CCDC187: variants seen among roughly 807,000 people sequenced by gnomAD.
CCDC187 encodes the protein coiled-coil domain-containing protein 187.
Under a neutral mutation model 38.0 loss-of-function variants are expected in CCDC187, and 32 were observed. The ratio of observed to expected loss-of-function variants is 0.84; its 90% CI spans 0.64 to 1.13. CCDC187 has a LOEUF of 1.13. CCDC187 is among the 50% of genes most tolerant of loss of function. The pLI, the probability that CCDC187 is intolerant of heterozygous loss-of-function variation, is 0.00. For synonymous variants in CCDC187, 333 were observed against 347.9 expected (o/e 0.96, Z 0.48); for missense variants, 707 against 786.8 (o/e 0.90, Z 1.21).
chr9:136,270,751 C>G (rs1830827385), intron 14 of CCDC187, among the ~76,000 whole-genome samples: 1 of 152,168 alleles, frequency 6.6e-6, no homozygotes, highest in African/African-American at 2.4e-5. Flanking sequence ...GGTGCCTTCC[C>G]AGACACTGGC....
intron 14 of CCDC187, among the ~76,000 whole-genome samples, chr9:136,269,091 T>A (rs559107629): frequency 1.3e-5 from 2 of 152,276 alleles, no homozygotes; most frequent in East Asian, 3.9e-4. Context: ...TGAATGCGTG[T>A]CAAGAAGCTA....
At chr9:136,295,636 C>G (rs1408849006) in intron 4 of CCDC187, among the ~76,000 whole-genome samples, 1 of 152,168 alleles carries the variant, frequency 6.6e-6, no homozygotes, top group African/African-American at 2.4e-5. Flanking sequence ...ATCCAATTCC[C>G]AAGTCCTGTG....
intron 15 of CCDC187, chr9:136,267,843 G>GC: frequency 6.1e-6 from 6 of 983,988 alleles, no homozygotes; most frequent in Middle Eastern, 5.2e-4. Context: ...TGAAATGCCT[G>GC]CCCCCCTCTG....
intron 19 of CCDC187, among the ~76,000 whole-genome samples, chr9:136,262,014 C>A (rs917735631): frequency 7.9e-5 from 12 of 152,268 alleles, no homozygotes; most frequent in African/African-American, 2.7e-4. Context: ...CTGGTCATCA[C>A]TCCCCCTCCC....
Position 136,262,312 on chromosome 9 carries a change from G to A in CCDC187, c.4063C>T (p.Arg1355Cys), listed in dbSNP as rs1380654427. 3.0e-6 allele frequency: 3 copies of A among 986,224 alleles called. No individual in the cohort carries two copies. The highest frequency in any genetic ancestry group is 1.1e-4 in the East Asian group (1 of 8,842). 61.1% of individuals were successfully genotyped at this position (986,224 alleles called of 1,614,324 possible). A position where few individuals can be genotyped will look rare whatever the true frequency, so the allele number is the denominator to read the frequency against. Residue 1355 changes from arginine (R) to cysteine (C), a missense_variant and splice_region_variant, in exon 19 of 26, where the codon CGC becomes TGC. Arg to Cys is a radical substitution (Grantham distance 180). Transcript: ENST00000638797. ...ACCCCCTAAGACCAACCAACTCACCGCGTGGCCTTTGAGCTTGCGGGGCTG... is the reference window on the plus strand; with the variant it reads ...ACCCCCTAAGACCAACCAACTCACCACGTGGCCTTTGAGCTTGCGGGGCTG... ...QSSPASSKAT[R>C]PPTEQQDVTP...
At chr9:136,295,289 G>A (rs1216342056) in intron 4 of CCDC187, among the ~76,000 whole-genome samples, 1 of 152,176 alleles carries the variant, frequency 6.6e-6, no homozygotes, top group African/African-American at 2.4e-5. Context: ...CCGCCTGCCC[G>A]CCCGGCCCCT....
In CCDC187 at chr9:136,251,063, T is replaced by G. The variant is rs1167460998; in HGVS notation, c.*2531A>C. ...TGCATGCATAAAGTCTGGAGTATGC[T>G]CCTCTCTGAAGTGGAGGAGGCCTGA... On this transcript the variant is annotated 3_prime_UTR_variant, in exon 26 of 26. Transcript: ENST00000638797. 2 of 455,550 alleles carry G rather than the reference T, an allele frequency of 4.4e-6. No homozygotes were observed. The highest frequency in any genetic ancestry group is 2.0e-5 in the African/African-American group (1 of 50,030). The allele number at this position is 455,550 out of a possible 1,614,324, so 28.2% of individuals were successfully genotyped here. A position where few individuals can be genotyped will look rare whatever the true frequency, so the allele number is the denominator to read the frequency against.
intron 14 of CCDC187, among the ~76,000 whole-genome samples, chr9:136,268,981 T>G (rs543709617): frequency 6.6e-6 from 1 of 152,008 alleles, no homozygotes; most frequent in East Asian, 1.9e-4. Flanking sequence ...CAGCTGGAGT[T>G]TGTGGGGGCA....
chr9:136,303,448 C>T (rs1277972829), intron 1 of CCDC187, among the ~76,000 whole-genome samples, 155 bp from the exon 2 acceptor site: 10 of 152,346 alleles, frequency 6.6e-5, no homozygotes, highest in East Asian at 3.9e-4. Flanking sequence ...AGGACAGCCC[C>T]GGCATTCTCT....
At chr9:136,283,118 G>A (rs1393430724) in intron 9 of CCDC187, among the ~76,000 whole-genome samples, 2 of 152,122 alleles carry the variant, frequency 1.3e-5, no homozygotes, top group African/African-American at 4.8e-5. Context: ...GCGTGGTGGC[G>A]GGTGCCTGTA....
chr9:136,289,278 G>A (rs982790762), intron 7 of CCDC187, among the ~76,000 whole-genome samples: 1 of 152,106 alleles, frequency 6.6e-6, no homozygotes, highest in Non-Finnish European at 1.5e-5. Context: ...AGCACTTTGG[G>A]AGGCCAAAGC....
At chr9:136,271,071 C>A (rs1830831978) in intron 14 of CCDC187, among the ~76,000 whole-genome samples, 1 of 152,192 alleles carries the variant, frequency 6.6e-6, no homozygotes, top group African/African-American at 2.4e-5. Context: ...CTTGCCTCGG[C>A]ACCTGGGTAA....
chr9:136,255,403 T>A (rs1374420056), intron 25 of CCDC187, among the ~76,000 whole-genome samples: 1 of 152,098 alleles, frequency 6.6e-6, no homozygotes, highest in Admixed American at 6.5e-5. Flanking sequence ...GTTCAAGGAC[T>A]GACTGGTTGG....
At chr9:136,306,879 T>TGGCC (rs1831810672), upstream of CCDC187, 107 of 152,336 alleles carry the variant, frequency 7.0e-4, no homozygotes, top group African/African-American at 2.5e-3. Context: ...TGCGGCTGTC[T>TGGCC]CTGAGGCCGG....
chr9:136,295,630 A>G (rs1157095773), intron 4 of CCDC187, among the ~76,000 whole-genome samples: 1 of 152,232 alleles, frequency 6.6e-6, no homozygotes, highest in Non-Finnish European at 1.5e-5. Flanking sequence ...TAATTCATCC[A>G]ATTCCCAAGT....
chr9:136,273,268 G>A (rs925238167), intron 14 of CCDC187, among the ~76,000 whole-genome samples: 1 of 152,178 alleles, frequency 6.6e-6, no homozygotes, highest in Admixed American at 6.5e-5. Context: ...TATGCTGCCT[G>A]TAAGAAACAC....
intron 2 of CCDC187, among the ~76,000 whole-genome samples, chr9:136,301,045 A>G (rs908076012): frequency 5.1e-4 from 78 of 152,002 alleles, no homozygotes; most frequent in Non-Finnish European, 1.1e-3. Flanking sequence ...CGGAGCCACC[A>G]GCAGTGAGCC....
At position 136,250,435 on chromosome 9, in the gene CCDC187, A is replaced by G; in HGVS notation, c.*3159T>C. ...CCTGGGAGCCATCAGATTCGCTGCA[A>G]ATCTGCGGGGCTTCAGTGGTGGAGA... On this transcript the variant is annotated 3_prime_UTR_variant, in exon 26 of 26. Coordinates refer to ENST00000638797, the MANE Select transcript of CCDC187 (RefSeq NM_001378188.1). 2 of 295,024 alleles carry G rather than the reference A, an allele frequency of 6.8e-6. No individual in the cohort carries two copies. The highest frequency in any genetic ancestry group is 6.6e-6 in the Non-Finnish European group (1 of 150,738). The allele number at this position is 295,024 out of a possible 1,614,324, so 18.3% of individuals were successfully genotyped here. A position where few individuals can be genotyped will look rare whatever the true frequency, so the allele number is the denominator to read the frequency against.
chr9:136,278,938 G>A (rs1269273342), intron 10 of CCDC187, among the ~76,000 whole-genome samples: 2 of 152,250 alleles, frequency 1.3e-5, no homozygotes, highest in African/African-American at 2.4e-5. Context: ...AGAAGGTTCT[G>A]GTGGACAGTG....
Sources: gnomAD v4.1 joint callset for allele counts (sites outside exome capture counted in the v4.1 genomes callset) on GRCh38, gnomAD v4.1.1 for gene constraint, MANE v1.5 for transcripts, NCBI Gene and HGNC (gene_info 2026-07-23, HGNC 2026-07-21) for gene names.